The following ZNF407 variants were observed in gnomAD, a reference collection of about 807,000 sequenced individuals.
ZNF407 encodes zinc finger protein 407.
Under a neutral mutation model 131.2 loss-of-function variants are expected in ZNF407, and 17 were observed. The ratio of observed to expected loss-of-function variants is 0.13; its 90% CI spans 0.09 to 0.19. The LOEUF is 0.19. Among genes scored for constraint, ZNF407 ranks in the 10% least tolerant of loss-of-function variants. The pLI is 1.00. For synonymous variants in ZNF407, 1,156 were observed against 1,062.0 expected (o/e 1.09, Z -1.72); for missense variants, 2,681 against 2,830.6 (o/e 0.95, Z 1.20).
intron 3 of ZNF407, among the ~76,000 whole-genome samples, chr18:74,675,879 C>T (rs116870432): frequency 0.018 from 2,688 of 152,236 alleles, 29 homozygotes; most frequent in Middle Eastern, 0.034. Flanking sequence ...ACCTTTCAAA[C>T]CTATAGACGT....
intron 4 of ZNF407, among the ~76,000 whole-genome samples, chr18:74,857,763 C>T (rs925574457): frequency 6.6e-6 from 1 of 151,796 alleles, no homozygotes; most frequent in African/African-American, 2.4e-5. Flanking sequence ...TCCTTTTGTC[C>T]ATGTACTTTT....
At chr18:75,032,029 A>G (rs1973246163) in intron 8 of ZNF407, among the ~76,000 whole-genome samples, 3 of 152,204 alleles carry the variant, frequency 2.0e-5, no homozygotes, top group Admixed American at 6.5e-5. Flanking sequence ...TACATAGTTT[A>G]GGGCATGAAA....
chr18:74,627,835 CG>C (rs1568318955), intron 1 of ZNF407, among the ~76,000 whole-genome samples: 31 of 120,044 alleles, frequency 2.6e-4, no homozygotes, highest in African/African-American at 3.6e-4. Flanking sequence ...TGCCCTGCCC[CG>C]CCCCACCCCG....
At chr18:74,881,771 A>G (rs1396388019) in intron 6 of ZNF407, among the ~76,000 whole-genome samples, 1 of 152,220 alleles carries the variant, frequency 6.6e-6, no homozygotes, top group Non-Finnish European at 1.5e-5. Flanking sequence ...TCATTGAAAT[A>G]AAATAGATTC....
At chr18:74,934,887 A>G (rs897480758) in intron 8 of ZNF407, among the ~76,000 whole-genome samples, 2 of 152,240 alleles carry the variant, frequency 1.3e-5, no homozygotes, top group African/African-American at 4.8e-5. Flanking sequence ...AGTACTTAAA[A>G]TAGTGCCTGC....
chr18:75,010,560 A>G (rs1234699115), intron 8 of ZNF407, among the ~76,000 whole-genome samples: 1 of 152,188 alleles, frequency 6.6e-6, no homozygotes, highest in South Asian at 2.1e-4. Flanking sequence ...ACAATCAGAT[A>G]TGGTAAATCG....
intron 4 of ZNF407, among the ~76,000 whole-genome samples, chr18:74,874,272 AATT>A (rs1208772638): frequency 6.6e-6 from 1 of 152,188 alleles, no homozygotes; most frequent in Non-Finnish European, 1.5e-5. Flanking sequence ...CATTATTACT[AATT>A]ATTCATCTTT....
At position 74,635,008 on chromosome 18, in the gene ZNF407, C is replaced by T; in HGVS notation, c.3989C>T (p.Thr1330Ile). The T allele has an allele frequency of 6.2e-7, 1 of 1,613,980 alleles. No individual in the cohort carries two copies. Among genetic ancestry groups the T allele is most frequent in the South Asian group, 1.1e-5 (1 of 91,084 alleles). ...LEEDGPASDSTVESSDVYETI... is the reference protein window; with the variant it reads ...LEEDGPASDSIVESSDVYETI... ...GAGGATGGCCCAGCTTCTGATAGCA[C>T]AGTTGAAAGTAGTGATGTCTATGAA... Residue 1330 changes from threonine to isoleucine, a missense_variant, in exon 2 of 9, where the codon ACA becomes ATA. Around this residue, in one of 6 missense-constraint regions of ZNF407, gnomAD observed 1,789 missense variants for 1,748.7 expected, o/e 1.02. Coordinates refer to ENST00000299687, the MANE Select transcript of ZNF407 (RefSeq NM_017757.3). The surrounding 1 kb of genome is among the most constrained non-coding windows in gnomAD (Gnocchi z 4.7).
rs748993081 is a variant in ZNF407, at chr18:75,064,309, G to C, written c.6588G>C (p.Ser2196=). The change falls in exon 9 of 9, where the codon TCG becomes TCC. Residue 2196 remains serine (S), a synonymous_variant. Coordinates refer to ENST00000299687, the MANE Select transcript of ZNF407 (RefSeq NM_017757.3). ...YSHTVLETAD[S]QELLQAGATL... ...ACACCGTGCTGGAGACTGCGGACTC[G>C]CAGGAACTCCTGCAGGCCGGGGCCA... 6.2e-7 allele frequency: 1 copy of C among 1,601,350 alleles called. No individual in the cohort carries two copies. Among genetic ancestry groups the C allele is most frequent in the South Asian group, 1.1e-5 (1 of 89,034 alleles).
At chr18:74,706,737 T>C (rs1358264744) in intron 3 of ZNF407, among the ~76,000 whole-genome samples, 3 of 152,094 alleles carry the variant, frequency 2.0e-5, no homozygotes, top group Non-Finnish European at 4.4e-5. Flanking sequence ...TTATTTTGGG[T>C]AGGGTACTTG....
chr18:74,847,171 GAATA>G (rs1046753079), intron 4 of ZNF407, among the ~76,000 whole-genome samples: 1 of 152,048 alleles, frequency 6.6e-6, no homozygotes, highest in Admixed American at 6.5e-5. Context: ...GCTTTAGTAA[GAATA>G]AATAAGCAAA....
Position 74,916,629 on chromosome 18 carries a change from A to AGTGT in ZNF407, c.5250-3865_5250-3862dup, listed in dbSNP as rs111309427. Among the ~76,000 whole-genome samples, 383 of 59,460 alleles carry AGTGT rather than the reference A, an allele frequency of 6.4e-3. 4 individuals are homozygous for AGTGT. The highest frequency in any genetic ancestry group is 0.013 in the African/African-American group (159 of 12,598). 39.0% of individuals were successfully genotyped at this position (59,460 alleles called of 152,430 possible). On this transcript the variant is annotated intron_variant, in intron 7 of 8. Coordinates refer to ENST00000299687, the MANE Select transcript of ZNF407 (RefSeq NM_017757.3). ...GTATGCAGCATTGGTTCGAATCGGG[A>AGTGT]GTGTGTGTGTGTGTGTGTGTGTGCA...
chr18:74,915,718 T>C (rs1267304680), intron 7 of ZNF407, among the ~76,000 whole-genome samples: 2 of 100,306 alleles, frequency 2.0e-5, no homozygotes, highest in African/African-American at 7.7e-5. Flanking sequence ...TGTGTGTGTG[T>C]GTGCTGGTAT....
At chr18:74,977,021 A>G (rs1283340714) in intron 8 of ZNF407, among the ~76,000 whole-genome samples, 1 of 152,236 alleles carries the variant, frequency 6.6e-6, no homozygotes, top group Non-Finnish European at 1.5e-5. Context: ...AAAAGAGAAA[A>G]GGATTGCTGT....
intron 8 of ZNF407, among the ~76,000 whole-genome samples, chr18:75,019,217 T>C (rs1296431558): frequency 6.6e-6 from 1 of 152,180 alleles, no homozygotes; most frequent in Non-Finnish European, 1.5e-5. Flanking sequence ...AGGTAGCTTA[T>C]ATAAAATACA....
At chr18:74,665,573 C>T (rs1277255215) in intron 3 of ZNF407, among the ~76,000 whole-genome samples, 2 of 152,160 alleles carry the variant, frequency 1.3e-5, no homozygotes, top group Admixed American at 6.5e-5. Flanking sequence ...GTTTCAGTTA[C>T]TAGAAAGGAA....
chr18:74,916,621 G>A (rs1441058063), intron 7 of ZNF407, among the ~76,000 whole-genome samples: 1 of 106,410 alleles, frequency 9.4e-6, no homozygotes, highest in Non-Finnish European at 1.8e-5. Flanking sequence ...GCATTGGTTC[G>A]AATCGGGAGT....
At chr18:74,599,050 C>T (rs1982453982) in intron 1 of ZNF407, among the ~76,000 whole-genome samples, 3 of 152,152 alleles carry the variant, frequency 2.0e-5, no homozygotes, top group African/African-American at 7.2e-5. Context: ...AGTGCTGGTC[C>T]ATTTAGAACA....
chr18:74,890,375 T>A (rs1971367834), intron 7 of ZNF407, among the ~76,000 whole-genome samples: 1 of 152,204 alleles, frequency 6.6e-6, no homozygotes, highest in Non-Finnish European at 1.5e-5. Flanking sequence ...GTCTATACTT[T>A]CATTTAGGAT....
Sources: gnomAD v4.1 joint callset for allele counts (sites outside exome capture counted in the v4.1 genomes callset) on GRCh38, gnomAD v4.1.1 for gene constraint, gnomAD v4.1.1 regional missense constraint, Gnocchi (gnomAD v3.1) non-coding constraint, MANE v1.5 for transcripts, NCBI Gene and HGNC (gene_info 2026-07-23, HGNC 2026-07-21) for gene names.